Variants in JARID2 observed in about 807,000 individuals in gnomAD.
JARID2 encodes the protein protein Jumonji.
A neutral mutation model predicts 125.6 loss-of-function variants in JARID2; 21 were observed. That is an observed-to-expected ratio of 0.17 (90% CI 0.12 to 0.24). The LOEUF is 0.24. Among genes scored for constraint, JARID2 ranks in the 10% least tolerant of loss-of-function variants. JARID2 has a pLI of 1.00. For synonymous variants in JARID2, 736 were observed against 661.6 expected (o/e 1.11, Z -1.73); for missense variants, 1,303 against 1,639.6 (o/e 0.79, Z 3.55).
intron 2 of JARID2, among the ~76,000 whole-genome samples, chr6:15,393,967 C>T (rs1765121724): frequency 6.6e-6 from 1 of 151,904 alleles, no homozygotes; most frequent in African/African-American, 2.4e-5. Context: ...TAGAAAACAT[C>T]GTATGTCTAG....
At chr6:15,499,525 G>A (rs1452246790) in intron 7 of JARID2, among the ~76,000 whole-genome samples, 2 of 152,178 alleles carry the variant, frequency 1.3e-5, no homozygotes, top group African/African-American at 2.4e-5. Flanking sequence ...TCACTCGGAC[G>A]GTGGAGGACT....
chr6:15,293,838 A>G (rs908958254), intron 1 of JARID2, among the ~76,000 whole-genome samples: 4 of 152,220 alleles, frequency 2.6e-5, no homozygotes, highest in Non-Finnish European at 5.9e-5. Flanking sequence ...CCTCTGCTAT[A>G]TTTGTCCTCT....
At chr6:15,333,305 T>C (rs1762779668) in intron 1 of JARID2, among the ~76,000 whole-genome samples, 1 of 152,218 alleles carries the variant, frequency 6.6e-6, no homozygotes. Context: ...ATTACTACTA[T>C]GTAATTGTGG....
intron 12 of JARID2, chr6:15,509,455 G>A: frequency 1.5e-6 from 1 of 647,224 alleles, no homozygotes; most frequent in Non-Finnish European, 1.9e-6. Context: ...GGACATGAGG[G>A]AGCCCTCCCT....
At chr6:15,250,359 T>G (rs1759395948) in intron 1 of JARID2, among the ~76,000 whole-genome samples, 1 of 152,238 alleles carries the variant, frequency 6.6e-6, no homozygotes, top group Non-Finnish European at 1.5e-5. Context: ...CACAAATTGT[T>G]CAGTCACGTT....
intron 1 of JARID2, among the ~76,000 whole-genome samples, chr6:15,300,683 TTGTGTGTGTGTGTG>T (rs35433395): frequency 2.3e-4 from 26 of 114,404 alleles, no homozygotes; most frequent in Admixed American, 1.8e-3. Flanking sequence ...TGTCCTCATG[TTGTGTGTGTGTGTG>T]TGTGTGTGTG....
chr6:15,489,786 C>T (rs13198780), intron 6 of JARID2, among the ~76,000 whole-genome samples: 32,743 of 152,192 alleles, frequency 0.22, 3,898 homozygotes, highest in Middle Eastern at 0.36. Context: ...AGGGTAGAGT[C>T]CTTGCAGGGA....
intron 3 of JARID2, among the ~76,000 whole-genome samples, chr6:15,423,886 G>A (rs1766608612): frequency 6.6e-6 from 1 of 152,132 alleles, no homozygotes; most frequent in African/African-American, 2.4e-5. Flanking sequence ...CTGTGCCTTT[G>A]CAGGTGCCCT....
chr6:15,380,040 C>CG (rs1225345084), intron 2 of JARID2, among the ~76,000 whole-genome samples: 5 of 149,314 alleles, frequency 3.3e-5, no homozygotes, highest in African/African-American at 1.2e-4. Flanking sequence ...GGTCGGGGGC[C>CG]GGGGGTGAGG....
intron 1 of JARID2, among the ~76,000 whole-genome samples, chr6:15,268,793 A>T (rs922415611): frequency 5.9e-5 from 9 of 152,190 alleles, no homozygotes; most frequent in Admixed American, 5.9e-4. Context: ...GCTGCAAAGA[A>T]TTTGCTTTTC....
At chr6:15,354,604 A>G (rs548173259) in intron 1 of JARID2, among the ~76,000 whole-genome samples, 1 of 152,312 alleles carries the variant, frequency 6.6e-6, no homozygotes, top group East Asian at 1.9e-4. Flanking sequence ...AAGCACAGAT[A>G]AGGAAATGAG....
chr6:15,513,165 G>T, intron 15 of JARID2, 74 bp from the exon 16 acceptor site: 1 of 1,500,216 alleles, frequency 6.7e-7, no homozygotes, highest in South Asian at 1.2e-5. Context: ...CCGGTGTGGG[G>T]TGCGTGTGTC....
At chr6:15,481,651 GT>G (rs1193783306) in intron 5 of JARID2, among the ~76,000 whole-genome samples, 1 of 151,964 alleles carries the variant, frequency 6.6e-6, no homozygotes, top group African/African-American at 2.4e-5. Context: ...TTTACTTCCC[GT>G]TTAACACATG....
At chr6:15,249,668 G>A (rs1561745566) in intron 1 of JARID2, among the ~76,000 whole-genome samples, 2 of 152,086 alleles carry the variant, frequency 1.3e-5, no homozygotes. Context: ...TCCCACAATT[G>A]GTCTCAAAAG....
At chr6:15,440,547 G>A (rs1767401551) in intron 3 of JARID2, among the ~76,000 whole-genome samples, 1 of 152,194 alleles carries the variant, frequency 6.6e-6, no homozygotes, top group South Asian at 2.1e-4. Context: ...CTGCTTAAGG[G>A]ATATTCTGGG....
chr6:15,454,299 G>A (rs1436865566), intron 4 of JARID2, among the ~76,000 whole-genome samples: 1 of 151,948 alleles, frequency 6.6e-6, no homozygotes. Flanking sequence ...TTGTTGGGGG[G>A]GAAATTTTGA....
At position 15,520,080 on chromosome 6, in the gene JARID2, C is replaced by T. The variant is rs1333155613; in HGVS notation, c.3570C>T (p.Ile1190=). The change falls in exon 18 of 18, where the codon ATC becomes ATT. Residue 1190 remains isoleucine (I), a synonymous_variant. Coordinates refer to ENST00000341776, the MANE Select transcript of JARID2 (RefSeq NM_004973.4). ...TCACCCCCAAACAGGAACAGATTAT[C>T]AGTCTGGTCAATCAGATCTGCGGCA... The part of the protein sequence containing the change: ...LMYRYDEEQI[I]SLVNQICGKV... 6.2e-7 allele frequency: 1 copy of T among 1,611,552 alleles called. No homozygotes were observed. Among genetic ancestry groups the T allele is most frequent in the African/African-American group, 1.3e-5 (1 of 74,682 alleles).
intron 1 of JARID2, among the ~76,000 whole-genome samples, chr6:15,280,995 T>C (rs927752421): frequency 7.2e-5 from 11 of 152,148 alleles, no homozygotes; most frequent in African/African-American, 2.7e-4. Context: ...ACGCTTGCGT[T>C]ATTACTAGCT....
At chr6:15,469,401 T>TCTCCCCCTCTCCCCC (rs1768954661) in intron 5 of JARID2, among the ~76,000 whole-genome samples, 1 of 64,626 alleles carries the variant, frequency 1.5e-5, no homozygotes, top group Non-Finnish European at 2.9e-5. Context: ...CCTTTCCCCC[T>TCTCCCCCTCTCCCCC]CTCCCCCTCT....
Sources: allele counts gnomAD v4.1 joint callset (sites outside exome capture counted in the v4.1 genomes callset), GRCh38; gene constraint gnomAD v4.1.1; transcripts MANE v1.5; gene names NCBI Gene and HGNC (gene_info 2026-07-23, HGNC 2026-07-21).